FAM219A: variants seen among roughly 807,000 people sequenced by gnomAD.
The protein encoded by FAM219A is protein FAM219A.
In FAM219A, 7 loss-of-function variants were observed where a neutral mutation model predicts 23.4. That is an observed-to-expected ratio of 0.30 (90% CI 0.17 to 0.56). The LOEUF is 0.56. Ranked by LOEUF, FAM219A falls within the 20% of genes least tolerant of loss-of-function variation. The probability of loss-of-function intolerance (pLI) is 0.92; values close to 1 mark genes in which losing one functional copy is unlikely to be tolerated. For missense variants in FAM219A, 166 were observed against 246.9 expected (o/e 0.67, Z 2.20); for synonymous variants, 93 against 99.0 (o/e 0.94, Z 0.36).
At chr9:34,438,890 C>G (rs1173464076) in intron 1 of FAM219A, among the ~76,000 whole-genome samples, 2 of 152,248 alleles carry the variant, frequency 1.3e-5, no homozygotes, top group African/African-American at 4.8e-5. Context: ...AAGCTTTGTT[C>G]TTTTGCTCTT....
chr9:34,454,892 T>C (rs1472723852), intron 1 of FAM219A, among the ~76,000 whole-genome samples: 3 of 152,198 alleles, frequency 2.0e-5, no homozygotes, highest in Non-Finnish European at 2.9e-5. Flanking sequence ...GGGAGAGTTA[T>C]TTGATGATGG....
chr9:34,448,993 G>A (rs1252020141), intron 1 of FAM219A, among the ~76,000 whole-genome samples: 18 of 110,074 alleles, frequency 1.6e-4, no homozygotes, highest in Non-Finnish European at 3.1e-4. Context: ...AAAAACTATC[G>A]GAAAAAAAAA....
intron 1 of FAM219A, among the ~76,000 whole-genome samples, chr9:34,423,906 T>TGTGATGCC (rs1260296910): frequency 2.0e-5 from 3 of 152,182 alleles, no homozygotes; most frequent in Non-Finnish European, 1.5e-5. Flanking sequence ...CTGCGTGAAT[T>TGTGATGCC]GTGATGCCAC....
intron 2 of FAM219A, 32 bp from the exon 3 acceptor site, chr9:34,402,839 C>G (rs1171000468): frequency 4.4e-6 from 7 of 1,606,936 alleles, no homozygotes; most frequent in Admixed American, 1.7e-5. Flanking sequence ...AAGCTGTGTC[C>G]TGCCCCTGAG....
rs756497339 is a variant in FAM219A, at chr9:34,401,729, G to A, written c.345-9C>T. The stretch of plus-strand genomic sequence containing the variant: ...TGTCAAAGTCATCATCGCTGGCCAT[G>A]GAGGAAAGAGAGGGAAAGTGATACC... On this transcript the variant is annotated splice_polypyrimidine_tract_variant and intron_variant, in intron 4 of 5. Coordinates refer to ENST00000651358, the MANE Select transcript of FAM219A (RefSeq NM_001184940.2). 10 of 1,606,000 alleles carry A rather than the reference G, an allele frequency of 6.2e-6. No individual in the cohort carries two copies. The East Asian group carries it at 1.6e-4, about 25-fold the overall frequency.
chr9:34,440,352 G>A (rs1443081835), intron 1 of FAM219A, among the ~76,000 whole-genome samples: 1 of 152,168 alleles, frequency 6.6e-6, no homozygotes, highest in African/African-American at 2.4e-5. Context: ...GTTTGCAAGA[G>A]GCAGCTCTCA....
At chr9:34,437,488 C>T (rs896672405) in intron 1 of FAM219A, among the ~76,000 whole-genome samples, 3 of 152,150 alleles carry the variant, frequency 2.0e-5, no homozygotes, top group African/African-American at 4.8e-5. Flanking sequence ...AATATACCGA[C>T]TTAAGAGTTG....
intron 1 of FAM219A, among the ~76,000 whole-genome samples, chr9:34,431,775 A>C (rs1432933664): frequency 1.3e-5 from 2 of 152,220 alleles, no homozygotes; most frequent in Non-Finnish European, 2.9e-5. Flanking sequence ...TAAAAAGTCC[A>C]GATAAGCACA....
chr9:34,420,086 A>G (rs912068720), intron 1 of FAM219A, among the ~76,000 whole-genome samples: 1 of 152,160 alleles, frequency 6.6e-6, no homozygotes, highest in African/African-American at 2.4e-5. Context: ...CAATAATTAA[A>G]CATTGGTGAA....
chr9:34,405,293 C>T lies in FAM219A; in HGVS notation c.160+572G>A, dbSNP rs541053133. On this transcript the variant is annotated intron_variant, in intron 2 of 5. Coordinates refer to ENST00000651358, the MANE Select transcript of FAM219A (RefSeq NM_001184940.2). ...GGGGACTTCACAGGATCAGGCTGCACAGTAAACTGACTTTGGAATGGACAT... is the reference window on the plus strand; with the variant it reads ...GGGGACTTCACAGGATCAGGCTGCATAGTAAACTGACTTTGGAATGGACAT... 1.2e-3 allele frequency among the ~76,000 whole-genome samples: 186 copies of T among 152,128 alleles called. 1 individual carries two copies. The highest frequency in any genetic ancestry group is 5.9e-3 in the Admixed American group (90 of 15,272).
intron 1 of FAM219A, among the ~76,000 whole-genome samples, chr9:34,454,706 A>G (rs186773371): frequency 1.3e-5 from 2 of 152,228 alleles, no homozygotes; most frequent in African/African-American, 4.8e-5. Context: ...GCACCTTGGA[A>G]ACACCCAGAT....
chr9:34,420,142 G>A (rs1317931569), intron 1 of FAM219A, among the ~76,000 whole-genome samples: 1 of 152,132 alleles, frequency 6.6e-6, no homozygotes. Context: ...CCCCAACAAG[G>A]GGGAGGGCAC....
rs763305193 is a variant in FAM219A, at chr9:34,402,726, T to C, written c.242A>G (p.Asn81Ser). 34 of 1,614,024 alleles carry C rather than the reference T, an allele frequency of 2.1e-5. 2 individuals are homozygous for C. In the South Asian group the frequency reaches 3.7e-4, roughly 18 times the overall value. Residue 81 changes from asparagine to serine, a missense_variant, in exon 3 of 6, where the codon AAC (asparagine) becomes AGC (serine). This residue lies in a region of FAM219A where 89 missense variants were observed against 98.8 expected (regional missense o/e 0.90). Transcript: ENST00000651358. ...GSPVNQQPKK[N>S]NVMARTRLVV... ...CTACCTTGTTCGGGCCATGACATTG[T>C]TCTTCTTGGGTTGCTGGTTGACAGG... is the stretch of plus-strand genomic sequence containing the variant.
chr9:34,443,378 A>G (rs1447036650), intron 1 of FAM219A, among the ~76,000 whole-genome samples: 2 of 152,104 alleles, frequency 1.3e-5, no homozygotes, highest in Non-Finnish European at 2.9e-5. Flanking sequence ...TCCAGAGATC[A>G]GTGAAAGCAC....
At chr9:34,411,535 G>A (rs1287880449) in intron 1 of FAM219A, among the ~76,000 whole-genome samples, 1 of 152,024 alleles carries the variant, frequency 6.6e-6, no homozygotes, top group Non-Finnish European at 1.5e-5. Flanking sequence ...AACTTAGCCA[G>A]GCACGGTGGT....
intron 1 of FAM219A, among the ~76,000 whole-genome samples, chr9:34,406,710 T>C (rs1213440663): frequency 6.6e-6 from 1 of 152,122 alleles, no homozygotes; most frequent in East Asian, 1.9e-4. Flanking sequence ...ACATTCTGTG[T>C]ATTGTCCTGA....
chr9:34,400,664 TG>T lies in FAM219A; in HGVS notation c.*299del. 3.5e-6 allele frequency: 1 copy of T among 286,408 alleles called. No homozygotes were observed. The highest frequency in any genetic ancestry group is 6.1e-5 in the East Asian group (1 of 16,304). 17.7% of individuals were successfully genotyped at this position (286,408 alleles called of 1,614,324 possible). On this transcript the variant is annotated 3_prime_UTR_variant, in exon 6 of 6. Coordinates refer to ENST00000651358, the MANE Select transcript of FAM219A (RefSeq NM_001184940.2). ...CTCCCTGCCGTCCAGTCTTCTCTCT[TG>T]GCCAGCCCTGGGAAGCGGGGCAGGG...
chr9:34,421,106 C>CA (rs1822266274), intron 1 of FAM219A, among the ~76,000 whole-genome samples: 1 of 151,862 alleles, frequency 6.6e-6, no homozygotes, highest in African/African-American at 2.4e-5. Context: ...CAGTCACTCT[C>CA]ACAAGGCCTG....
chr9:34,454,706 A>T (rs186773371), intron 1 of FAM219A, among the ~76,000 whole-genome samples: 2 of 152,110 alleles, frequency 1.3e-5, no homozygotes, highest in Non-Finnish European at 2.9e-5. Flanking sequence ...GCACCTTGGA[A>T]ACACCCAGAT....
Sources: allele counts gnomAD v4.1 joint callset (sites outside exome capture counted in the v4.1 genomes callset), GRCh38; gene constraint gnomAD v4.1.1; regional missense constraint gnomAD v4.1.1; transcripts MANE v1.5; gene names NCBI Gene and HGNC (gene_info 2026-07-23, HGNC 2026-07-21).